PTPRD: variants seen among roughly 807,000 people sequenced by gnomAD.
The protein encoded by PTPRD is protein tyrosine phosphatase receptor type D.
A neutral mutation model predicts 214.5 loss-of-function variants in PTPRD; 34 were observed. That is an observed-to-expected ratio of 0.16 (90% CI 0.12 to 0.21). PTPRD has a LOEUF of 0.21. Among genes scored for constraint, PTPRD ranks in the 10% least tolerant of loss-of-function variants. The probability of loss-of-function intolerance (pLI) is 1.00; values close to 1 mark genes in which losing one functional copy is unlikely to be tolerated. For missense variants in PTPRD, 2,545 were observed against 2,398.7 expected (o/e 1.06, Z -1.27); for synonymous variants, 1,128 against 845.7 (o/e 1.33, Z -5.79).
At chr9:10,390,973 TTGA>T (rs2154490928) in intron 2 of PTPRD, among the ~76,000 whole-genome samples, 1 of 151,932 alleles carries the variant, frequency 6.6e-6, no homozygotes, top group Non-Finnish European at 1.5e-5. Flanking sequence ...AATAAAATGG[TTGA>T]TGAAGTTTGG....
intron 3 of PTPRD, among the ~76,000 whole-genome samples, chr9:10,264,705 G>A (rs139014031): frequency 1.1e-3 from 164 of 152,142 alleles, no homozygotes; most frequent in African/African-American, 3.7e-3. Context: ...TAAGACTTTC[G>A]GGATCTCTTG....
At chr9:10,095,495 C>T (rs967795217) in intron 3 of PTPRD, among the ~76,000 whole-genome samples, 5 of 151,498 alleles carry the variant, frequency 3.3e-5, no homozygotes, top group Admixed American at 6.6e-5. Flanking sequence ...CTTATCCCTT[C>T]TGATTACTCA....
intron 8 of PTPRD, among the ~76,000 whole-genome samples, chr9:9,515,285 G>A (rs921823421): frequency 1.6e-4 from 25 of 151,908 alleles, no homozygotes; most frequent in Admixed American, 9.2e-4. Flanking sequence ...ATAATATCAT[G>A]TTTTTTTATT....
intron 4 of PTPRD, among the ~76,000 whole-genome samples, chr9:9,959,673 A>C (rs2094211204): frequency 6.6e-6 from 1 of 152,172 alleles, no homozygotes; most frequent in Admixed American, 6.5e-5. Flanking sequence ...GGAGGTGCAC[A>C]AAAACAGTGT....
Position 10,441,991 on chromosome 9 carries a change from A to T in PTPRD, c.-599-100974T>A, listed in dbSNP as rs192896301. On this transcript the variant is annotated intron_variant, in intron 2 of 45. Transcript: ENST00000381196. ...AAAAACTGGAGAAAAAAGTTGAAAA[A>T]TTTTTAAAGCTTATTTTTTATTTTA... 4.6e-3 allele frequency among the ~76,000 whole-genome samples: 692 copies of T among 151,730 alleles called. 4 individuals carry two copies. Among genetic ancestry groups the T allele is most frequent in the African/African-American group, 0.016 (662 of 41,510 alleles).
chr9:9,346,540 T>C (rs909807028), intron 9 of PTPRD, among the ~76,000 whole-genome samples: 5 of 152,156 alleles, frequency 3.3e-5, no homozygotes, highest in Non-Finnish European at 7.4e-5. Flanking sequence ...AAGATTTATT[T>C]AAAGCCACTT....
At chr9:9,926,129 C>T (rs1263885232) in intron 5 of PTPRD, among the ~76,000 whole-genome samples, 1 of 152,130 alleles carries the variant, frequency 6.6e-6, no homozygotes, top group Non-Finnish European at 1.5e-5. Flanking sequence ...TGCACCTGGC[C>T]AACTTCTCTT....
intron 5 of PTPRD, among the ~76,000 whole-genome samples, chr9:9,892,670 G>A (rs184829445): frequency 1.3e-5 from 2 of 151,760 alleles, no homozygotes; most frequent in Admixed American, 1.3e-4. Context: ...GCTGGTCAAA[G>A]ACAGACTTTG....
chr9:8,986,040 C>A (rs918907808), intron 11 of PTPRD, among the ~76,000 whole-genome samples: 1 of 151,954 alleles, frequency 6.6e-6, no homozygotes, highest in Non-Finnish European at 1.5e-5. Flanking sequence ...ATAAAACTAA[C>A]TTTTTGAGTC....
At chr9:9,144,930 T>C (rs1374118984) in intron 10 of PTPRD, among the ~76,000 whole-genome samples, 1 of 152,230 alleles carries the variant, frequency 6.6e-6, no homozygotes, top group Non-Finnish European at 1.5e-5. Flanking sequence ...TCTAACTGCA[T>C]CACCTCACCA....
At chr9:9,560,675 A>G (rs1264645455) in intron 8 of PTPRD, among the ~76,000 whole-genome samples, 3 of 152,178 alleles carry the variant, frequency 2.0e-5, no homozygotes, top group East Asian at 1.9e-4. Context: ...GTTCCAGCCC[A>G]TGCTGAAGTC....
chr9:8,325,103 T>C lies in PTPRD; in HGVS notation c.5535-5137A>G, dbSNP rs1832338451. ...CTGTGCAGAAGCTCTTTAGTTTAATTAGATCCCATTTGCCACTTTTGGCTT... is the reference window on the plus strand; with the variant it reads ...CTGTGCAGAAGCTCTTTAGTTTAATCAGATCCCATTTGCCACTTTTGGCTT... On this transcript the variant is annotated intron_variant, in intron 44 of 45. Transcript: ENST00000381196. Among the ~76,000 whole-genome samples the C allele has an allele frequency of 1.3e-5, 2 of 148,970 alleles. 1 individual carries two copies. Among genetic ancestry groups the C allele is most frequent in the Admixed American group, 1.3e-4 (2 of 15,010 alleles).
chr9:8,511,521 C>T (rs965519989), intron 21 of PTPRD, among the ~76,000 whole-genome samples: 5 of 151,524 alleles, frequency 3.3e-5, no homozygotes, highest in Non-Finnish European at 7.4e-5. Context: ...TGTGTTGTAA[C>T]ATTTCCTTCA....
At chr9:8,409,301 G>A (rs1305464992) in intron 35 of PTPRD, among the ~76,000 whole-genome samples, 1 of 152,152 alleles carries the variant, frequency 6.6e-6, no homozygotes, top group African/African-American at 2.4e-5. Flanking sequence ...AGAGAGGCCA[G>A]GCTGGGGGTC....
rs972749303 is a variant in PTPRD at position 8,798,080 on chromosome 9, G to A, written c.-103-64134C>T. ...TCTTACGTGGAATTCTACCCTATAT[G>A]CTTTATAGAATGGAATTCTCTCCTT... On this transcript the variant is annotated intron_variant, in intron 11 of 45. Coordinates refer to ENST00000381196, the MANE Select transcript of PTPRD (RefSeq NM_002839.4). Among the ~76,000 whole-genome samples, 11 of 152,088 alleles carry A rather than the reference G, an allele frequency of 7.2e-5. No homozygotes were observed. In the East Asian group the frequency reaches 7.7e-4, roughly 11 times the overall value.
intron 9 of PTPRD, among the ~76,000 whole-genome samples, chr9:9,263,032 C>T (rs1351418343): frequency 6.6e-6 from 1 of 151,346 alleles, no homozygotes; most frequent in South Asian, 2.1e-4. Context: ...CATATAATAC[C>T]AAGGGATTAA....
At chr9:9,756,671 G>C (rs1360084387) in intron 6 of PTPRD, among the ~76,000 whole-genome samples, 3 of 152,132 alleles carry the variant, frequency 2.0e-5, no homozygotes, top group Non-Finnish European at 2.9e-5. Context: ...AATACATTGT[G>C]AATGTACTAA....
At chr9:9,162,429 C>G (rs78243864) in intron 10 of PTPRD, among the ~76,000 whole-genome samples, 1,703 of 152,236 alleles carry the variant, frequency 0.011, 16 homozygotes, top group Non-Finnish European at 0.018. Flanking sequence ...TGGGGGAAAA[C>G]TTTTGGACTT....
chr9:10,343,352 C>T (rs1352530868), intron 2 of PTPRD, among the ~76,000 whole-genome samples: 1 of 152,052 alleles, frequency 6.6e-6, no homozygotes, highest in Non-Finnish European at 1.5e-5. Flanking sequence ...GTATATGTGC[C>T]AAATTTTCTT....
Sources: gnomAD v4.1 joint callset for allele counts (sites outside exome capture counted in the v4.1 genomes callset) on GRCh38, gnomAD v4.1.1 for gene constraint, MANE v1.5 for transcripts, NCBI Gene and HGNC (gene_info 2026-07-23, HGNC 2026-07-21) for gene names.